The following PSD3 variants were observed in gnomAD, a reference collection of about 807,000 sequenced individuals.
PSD3 encodes PH and SEC7 domain-containing protein 3.
PSD3 carries 49 observed loss-of-function variants against 105.5 expected under a neutral mutation model. That is an observed-to-expected ratio of 0.46 (90% CI 0.37 to 0.59). The LOEUF (loss-of-function observed/expected upper bound fraction) is 0.59, where lower values mean the gene tolerates loss of function less well. Ranked by LOEUF, PSD3 falls within the 20% of genes least tolerant of loss-of-function variation. The pLI is 0.00. For missense variants in PSD3, 1,561 were observed against 1,263.8 expected (o/e 1.24, Z -3.57); for synonymous variants, 557 against 457.8 (o/e 1.22, Z -2.77).
intron 1 of PSD3, among the ~76,000 whole-genome samples, chr8:18,949,054 C>T (rs1270035526): frequency 2.0e-5 from 3 of 149,476 alleles, no homozygotes; most frequent in East Asian, 2.0e-4. Flanking sequence ...AACCCCGTCT[C>T]TACTAAAAAT....
At chr8:18,585,986 T>C (rs1803156292) in intron 12 of PSD3, among the ~76,000 whole-genome samples, 1 of 152,158 alleles carries the variant, frequency 6.6e-6, no homozygotes, top group South Asian at 2.1e-4. Context: ...CCAAGAGATA[T>C]ATTTTCCTAG....
At chr8:18,601,439 T>G (rs544451942) in intron 11 of PSD3, among the ~76,000 whole-genome samples, 1 of 152,296 alleles carries the variant, frequency 6.6e-6, no homozygotes, top group African/African-American at 2.4e-5. Context: ...CCTGATTACA[T>G]TAGAAAGTAC....
At chr8:18,566,480 C>T (rs1454837705) in intron 14 of PSD3, among the ~76,000 whole-genome samples, 1 of 146,068 alleles carries the variant, frequency 6.8e-6, no homozygotes, top group Non-Finnish European at 1.5e-5. Context: ...GAGCCGAGAT[C>T]AAGCCACTGC....
At chr8:18,725,375 T>C (rs1360412951) in intron 9 of PSD3, among the ~76,000 whole-genome samples, 2 of 152,232 alleles carry the variant, frequency 1.3e-5, no homozygotes, top group South Asian at 2.1e-4. Context: ...CTGAATATTA[T>C]AGATTTCCTT....
chr8:19,038,018 C>T (rs1002939828), intron 1 of PSD3, among the ~76,000 whole-genome samples: 1 of 151,044 alleles, frequency 6.6e-6, no homozygotes, highest in African/African-American at 2.4e-5. Flanking sequence ...ATACAATCTC[C>T]TATTGATTCT....
chr8:18,802,691 C>G (rs907925531), intron 6 of PSD3, among the ~76,000 whole-genome samples: 4 of 152,108 alleles, frequency 2.6e-5, no homozygotes, highest in Admixed American at 6.6e-5. Context: ...CCTCCCAGAC[C>G]TCAGTTTCTT....
chr8:18,871,499 C>T, intron 3 of PSD3, 127 bp downstream of exon 3: 1 of 1,230,232 alleles, frequency 8.1e-7, no homozygotes, highest in Non-Finnish European at 1.1e-6. Flanking sequence ...CACAGTAACT[C>T]ATCTTATATT....
At chr8:18,644,280 C>T (rs561949943) in intron 10 of PSD3, among the ~76,000 whole-genome samples, 9 of 152,314 alleles carry the variant, frequency 5.9e-5, no homozygotes, top group Non-Finnish European at 4.4e-5. Context: ...CTTTAATTAT[C>T]GTTCTATCTT....
chr8:18,936,092 A>C lies in PSD3; in HGVS notation c.72T>G (p.Val24=), dbSNP rs769309495. ...ATAAAAATTCATATTTGGCCTTGGC[A>C]ACACTCTGGGAATGTGCAGATGCAT... ...VNNASAHSQS[V]AKAKYEFLFG... is the part of the protein sequence containing the mutation. The change falls in exon 2 of 16, where the codon GTT becomes GTG. Residue 24 remains valine (V), a synonymous_variant. Transcript: ENST00000327040. 2 of 1,613,536 alleles carry C rather than the reference A, an allele frequency of 1.2e-6. No homozygotes were observed. Among genetic ancestry groups the C allele is most frequent in the Admixed American group, 3.3e-5 (2 of 60,024 alleles).
intron 1 of PSD3, among the ~76,000 whole-genome samples, chr8:19,032,276 A>T (rs2129476266): frequency 6.6e-6 from 1 of 152,168 alleles, no homozygotes; most frequent in African/African-American, 2.4e-5. Flanking sequence ...ACACACACAC[A>T]TGGTAAGTGA....
At chr8:18,763,392 A>G (rs1806705129) in intron 9 of PSD3, among the ~76,000 whole-genome samples, 1 of 152,208 alleles carries the variant, frequency 6.6e-6, no homozygotes, top group Non-Finnish European at 1.5e-5. Context: ...CCATGATATT[A>G]AAAACCTGTA....
chr8:18,584,224 A>G (rs1803004122), intron 12 of PSD3, among the ~76,000 whole-genome samples: 1 of 152,134 alleles, frequency 6.6e-6, no homozygotes, highest in Non-Finnish European at 1.5e-5. Flanking sequence ...GGCAAGTGCA[A>G]TCAGAGAAAG....
At chr8:18,668,545 G>A (rs1799610983) in intron 9 of PSD3, among the ~76,000 whole-genome samples, 2 of 152,200 alleles carry the variant, frequency 1.3e-5, no homozygotes, top group South Asian at 2.1e-4. Flanking sequence ...TGCCACAGCT[G>A]ATGCCTATGA....
intron 9 of PSD3, among the ~76,000 whole-genome samples, chr8:18,669,456 A>G (rs115989074): frequency 0.016 from 2,365 of 152,354 alleles, 66 homozygotes; most frequent in African/African-American, 0.052. Context: ...CTACTCTTGC[A>G]CTTTGCAGCT....
rs1407529945 is a variant in PSD3 at position 18,535,476 on chromosome 8, GA to G, written c.*266del. ...AACAAGAGAAAACCAAAAGAGAAGG[GA>G]TACATAATTCATTCTGAAATCACGA... On this transcript the variant is annotated 3_prime_UTR_variant, in exon 16 of 16. Coordinates refer to ENST00000327040, the MANE Select transcript of PSD3 (RefSeq NM_015310.4). 1.1e-5 allele frequency: 5 copies of G among 458,226 alleles called. No homozygotes were observed. Among genetic ancestry groups the G allele is most frequent in the Non-Finnish European group, 2.0e-5 (5 of 254,754 alleles). 28.4% of individuals were successfully genotyped at this position (458,226 alleles called of 1,614,324 possible).
intron 15 of PSD3, among the ~76,000 whole-genome samples, chr8:18,555,390 G>C (rs966445478): frequency 2.7e-5 from 4 of 150,546 alleles, no homozygotes; most frequent in Non-Finnish European, 1.5e-5. Flanking sequence ...CAATGAAAAA[G>C]AACAGCTAAA....
At chr8:19,021,884 G>A (rs1031825888) in intron 1 of PSD3, among the ~76,000 whole-genome samples, 1 of 152,174 alleles carries the variant, frequency 6.6e-6, no homozygotes, top group African/African-American at 2.4e-5. Flanking sequence ...AGGGAGGGTG[G>A]ATGATATATT....
intron 2 of PSD3, among the ~76,000 whole-genome samples, chr8:18,874,774 A>C (rs907531262): frequency 1.3e-5 from 2 of 151,942 alleles, no homozygotes; most frequent in Non-Finnish European, 2.9e-5. Context: ...AATAACTGAT[A>C]ATTATTAATT....
In PSD3 at chr8:19,013,638, G is replaced by A. The variant is rs1048963456; in HGVS notation, c.-55C>T. 8.4e-6 allele frequency: 11 copies of A among 1,308,882 alleles called. No homozygotes were observed. The highest frequency in any genetic ancestry group is 2.1e-5 in the South Asian group (1 of 47,428). 81.1% of individuals were successfully genotyped at this position (1,308,882 alleles called of 1,614,324 possible). ...AACCGCCGCCGGGCGCTCCGGGGCCGCAGCCTCAGGGCGCGAGTGCCGGCG... is the reference window on the plus strand; with the variant it reads ...AACCGCCGCCGGGCGCTCCGGGGCCACAGCCTCAGGGCGCGAGTGCCGGCG... On this transcript the variant is annotated 5_prime_UTR_variant, in exon 1 of 16. Coordinates refer to ENST00000327040, the MANE Select transcript of PSD3 (RefSeq NM_015310.4).
Sources: allele counts gnomAD v4.1 joint callset (sites outside exome capture counted in the v4.1 genomes callset), GRCh38; gene constraint gnomAD v4.1.1; transcripts MANE v1.5; gene names NCBI Gene and HGNC (gene_info 2026-07-23, HGNC 2026-07-21).